Variants in CDH12 observed in about 807,000 individuals in gnomAD.
CDH12 encodes cadherin-12.
In CDH12, 41 loss-of-function variants were observed where a neutral mutation model predicts 74.1. The ratio of observed to expected loss-of-function variants is 0.55; its 90% CI spans 0.43 to 0.72. The LOEUF (loss-of-function observed/expected upper bound fraction) is 0.72, where lower values mean the gene tolerates loss of function less well. Ranked by LOEUF, CDH12 falls within the 30% of genes least tolerant of loss-of-function variation. CDH12 has a pLI of 0.00. For missense variants in CDH12, 945 were observed against 977.2 expected (o/e 0.97, Z 0.44); for synonymous variants, 399 against 355.0 (o/e 1.12, Z -1.39).
chr5:22,848,928 A>G (rs1053758887), intron 1 of CDH12, among the ~76,000 whole-genome samples: 3 of 151,656 alleles, frequency 2.0e-5, no homozygotes, highest in African/African-American at 7.3e-5. Flanking sequence ...TCATCATATC[A>G]TATAAAGTTT....
chr5:22,644,129 C>G (rs1739311581), intron 1 of CDH12, among the ~76,000 whole-genome samples: 2 of 151,976 alleles, frequency 1.3e-5, no homozygotes, highest in African/African-American at 4.8e-5. Flanking sequence ...AATTAACAAC[C>G]CTTAAATGGC....
intron 2 of CDH12, among the ~76,000 whole-genome samples, chr5:22,488,164 T>C (rs1360140799): frequency 6.6e-6 from 1 of 152,202 alleles, no homozygotes; most frequent in Non-Finnish European, 1.5e-5. Flanking sequence ...GTCCTGAAAC[T>C]GACAGCTAAG....
rs1755467103 is a variant in CDH12 at position 21,944,221 on chromosome 5, A to G, written c.526+30870T>C. Among the ~76,000 whole-genome samples the G allele has an allele frequency of 2.0e-5, 3 of 152,342 alleles. No individual in the cohort carries two copies. In the South Asian group the frequency reaches 6.2e-4, roughly 32 times the overall value. Reference sequence around the variant, plus strand: ...ATTTTATGTTTTTCTTATTACTAACAGTTTAGTGCTCCTATGTATTTTGTA... The same window carrying G: ...ATTTTATGTTTTTCTTATTACTAACGGTTTAGTGCTCCTATGTATTTTGTA... On this transcript the variant is annotated intron_variant, in intron 6 of 14. Coordinates refer to ENST00000382254, the MANE Select transcript of CDH12 (RefSeq NM_004061.5).
At chr5:22,683,451 G>A (rs1741602421) in intron 1 of CDH12, among the ~76,000 whole-genome samples, 1 of 152,110 alleles carries the variant, frequency 6.6e-6, no homozygotes, top group African/African-American at 2.4e-5. Context: ...GCAATAAAAG[G>A]AAGTAAATAA....
chr5:22,451,322 T>A, intron 2 of CDH12, among the ~76,000 whole-genome samples: 1 of 151,970 alleles, frequency 6.6e-6, no homozygotes, highest in East Asian at 1.9e-4. Flanking sequence ...AAATTTATTT[T>A]GAATCAATAA....
rs143762045 is a variant in CDH12, at chr5:22,325,353, T to A, written c.-333+79904A>T. Among the ~76,000 whole-genome samples the A allele has an allele frequency of 8.4e-4, 128 of 152,256 alleles. 4 individuals carry two copies. In the East Asian group the frequency reaches 0.024, roughly 28 times the overall value. On this transcript the variant is annotated intron_variant, in intron 3 of 14. Coordinates refer to ENST00000382254, the MANE Select transcript of CDH12 (RefSeq NM_004061.5). Reference sequence around the variant, plus strand: ...AAAAAGCTCGCTCTTAGAGGAAAAGTCTAATCAGATACTACTTAGAAATCT... The same window carrying A: ...AAAAAGCTCGCTCTTAGAGGAAAAGACTAATCAGATACTACTTAGAAATCT...
chr5:22,185,599 TATTC>T (rs1370199487), intron 4 of CDH12, among the ~76,000 whole-genome samples: 2 of 152,218 alleles, frequency 1.3e-5, no homozygotes, highest in African/African-American at 4.8e-5. Flanking sequence ...CATTATTTAC[TATTC>T]ATTGTCTCAA....
At chr5:22,711,992 T>C (rs937265835) in intron 1 of CDH12, among the ~76,000 whole-genome samples, 7 of 152,082 alleles carry the variant, frequency 4.6e-5, no homozygotes, top group Admixed American at 2.6e-4. Context: ...AGGATACTTC[T>C]TGAGCCCAAA....
At chr5:22,247,064 A>G (rs2150384802) in intron 3 of CDH12, among the ~76,000 whole-genome samples, 1 of 152,308 alleles carries the variant, frequency 6.6e-6, no homozygotes, top group African/African-American at 2.4e-5. Flanking sequence ...TATGTTTTGG[A>G]TTACTCACAC....
chr5:22,326,528 C>T (rs1739114335), intron 3 of CDH12, among the ~76,000 whole-genome samples: 1 of 152,176 alleles, frequency 6.6e-6, no homozygotes, highest in African/African-American at 2.4e-5. Flanking sequence ...AGCCACCGCG[C>T]CCGGCCTCCA....
chr5:22,670,619 A>C (rs780434976), intron 1 of CDH12, among the ~76,000 whole-genome samples: 1 of 152,128 alleles, frequency 6.6e-6, no homozygotes, highest in Non-Finnish European at 1.5e-5. Context: ...CAGAAATTAC[A>C]TGCTTTACTG....
intron 1 of CDH12, among the ~76,000 whole-genome samples, chr5:22,677,368 T>G (rs1341269227): frequency 6.6e-6 from 1 of 152,046 alleles, no homozygotes; most frequent in African/African-American, 2.4e-5. Flanking sequence ...GATTTCAAAA[T>G]GTAAAATTTT....
chr5:22,656,764 A>G lies in CDH12; in HGVS notation c.-522-151400T>C, dbSNP rs192384536. ...ATAAATGTTTTCTTTATAATTATCA[A>G]AACTAGAAACAATAAAAAATATCCA... On this transcript the variant is annotated intron_variant, in intron 1 of 14. Coordinates refer to ENST00000382254, the MANE Select transcript of CDH12 (RefSeq NM_004061.5). Among the ~76,000 whole-genome samples, 871 of 152,324 alleles carry G rather than the reference A, an allele frequency of 5.7e-3. 8 individuals carry two copies. Among genetic ancestry groups the G allele is most frequent in the African/African-American group, 0.02 (843 of 41,562 alleles).
intron 1 of CDH12, among the ~76,000 whole-genome samples, chr5:22,671,360 TA>T (rs1740890841): frequency 2.0e-5 from 3 of 152,164 alleles, no homozygotes; most frequent in African/African-American, 7.2e-5. Context: ...TCTCCAGAAC[TA>T]ATTTGTTCTA....
intron 1 of CDH12, among the ~76,000 whole-genome samples, chr5:22,753,064 A>G (rs1462724230): frequency 6.6e-6 from 1 of 152,118 alleles, no homozygotes; most frequent in Non-Finnish European, 1.5e-5. Flanking sequence ...GAAGAGGTGA[A>G]ACTTTGGCCA....
intron 1 of CDH12, among the ~76,000 whole-genome samples, chr5:22,743,693 T>A (rs1745149170): frequency 6.6e-6 from 1 of 152,182 alleles, no homozygotes; most frequent in African/African-American, 2.4e-5. Flanking sequence ...ATTAAATGCA[T>A]ATTAACTTAT....
intron 1 of CDH12, among the ~76,000 whole-genome samples, chr5:22,582,653 C>G (rs1272580376): frequency 6.6e-6 from 1 of 152,118 alleles, no homozygotes; most frequent in Non-Finnish European, 1.5e-5. Flanking sequence ...CAAACCATGT[C>G]ATGTTTTTAA....
intron 9 of CDH12, among the ~76,000 whole-genome samples, chr5:21,816,440 C>A (rs1748043625): frequency 6.6e-6 from 1 of 151,338 alleles, no homozygotes; most frequent in Non-Finnish European, 1.5e-5. Context: ...GCCTGACCAA[C>A]ATGGTGAAAT....
At chr5:22,620,454 C>T (rs775892954) in intron 1 of CDH12, among the ~76,000 whole-genome samples, 21 of 151,966 alleles carry the variant, frequency 1.4e-4, no homozygotes, top group Non-Finnish European at 2.9e-4. Flanking sequence ...ACAAACAAAA[C>T]ACTACACATG....
Sources: gnomAD v4.1 joint callset for allele counts (sites outside exome capture counted in the v4.1 genomes callset) on GRCh38, gnomAD v4.1.1 for gene constraint, MANE v1.5 for transcripts, NCBI Gene and HGNC (gene_info 2026-07-23, HGNC 2026-07-21) for gene names.